The following HPCAL1 variants were observed in gnomAD, a reference collection of about 807,000 sequenced individuals.
HPCAL1 encodes the protein hippocalcin-like protein 1.
HPCAL1 carries 8 observed loss-of-function variants against 17.1 expected under a neutral mutation model. That is an observed-to-expected ratio of 0.47 (90% CI 0.27 to 0.84). The LOEUF is 0.84. Ranked by LOEUF, HPCAL1 falls within the 40% of genes least tolerant of loss-of-function variation. HPCAL1 has a pLI of 0.13. For synonymous variants in HPCAL1, 112 were observed against 111.4 expected, an observed-to-expected ratio of 1.01 and a Z score of -0.03; for missense variants, 165 against 271.1, an observed-to-expected ratio of 0.61 and a Z score of 2.75.
intron 2 of HPCAL1, among the ~76,000 whole-genome samples, chr2:10,401,727 G>A (rs1669625557): frequency 6.6e-6 from 1 of 152,160 alleles, no homozygotes; most frequent in Non-Finnish European, 1.5e-5. Context: ...GCCACACCCT[G>A]GGTAAATGGA....
intron 4 of HPCAL1, chr2:10,425,961 CAGGGCTATAGTGACCA>C (rs1380099881): frequency 6.6e-6 from 1 of 152,154 alleles, no homozygotes; most frequent in East Asian, 1.9e-4. Flanking sequence ...CTAGCAGAGC[CAGGGCTATAGTGACCA>C]CAGTGTGAGC....
In HPCAL1 at chr2:10,330,188, G is replaced by C. The variant is rs1423848459; in HGVS notation, c.-111+27011G>C. Reference sequence around the variant, plus strand: ...TATGCTGTGTTCGGGGCTGTCTGTCGGCGCCACAGGGAATGGGGGCTGGTG... The same window carrying C: ...TATGCTGTGTTCGGGGCTGTCTGTCCGCGCCACAGGGAATGGGGGCTGGTG... On this transcript the variant is annotated intron_variant, in intron 1 of 4. Coordinates refer to ENST00000307845, the MANE Select transcript of HPCAL1 (RefSeq NM_002149.4). This position sits in a 1 kb window ranked among gnomAD's most constrained non-coding sequence, Gnocchi z 4.2. 1.3e-5 allele frequency: 2 copies of C among 151,980 alleles called. No homozygotes were observed. The highest frequency in any genetic ancestry group is 2.4e-5 in the African/African-American group (1 of 41,324). The allele number at this position is 151,980 out of a possible 1,614,324, so 9.4% of individuals were successfully genotyped here.
chr2:10,347,038 G>A (rs1165072964), intron 1 of HPCAL1, among the ~76,000 whole-genome samples: 4 of 144,410 alleles, frequency 2.8e-5, no homozygotes, highest in South Asian at 2.2e-4. Flanking sequence ...CAGAGGAGCA[G>A]AGTGCTCATA....
chr2:10,404,252 G>C (rs1669831750), intron 2 of HPCAL1, among the ~76,000 whole-genome samples: 1 of 152,132 alleles, frequency 6.6e-6, no homozygotes, highest in South Asian at 2.1e-4. Context: ...ACCTTAGCCA[G>C]ACTCTGGCCT....
intron 1 of HPCAL1, among the ~76,000 whole-genome samples, chr2:10,329,113 G>A (rs1558461184): frequency 6.6e-6 from 1 of 152,144 alleles, no homozygotes; most frequent in African/African-American, 2.4e-5. Flanking sequence ...ACAGATGTGA[G>A]CCGCCACTGT....
rs1285723920 is a variant in HPCAL1 at position 10,377,162 on chromosome 2, G to A, written c.-110-19673G>A. ...CGTTAACTTCTTTAATGAACATCCT[G>A]CTGTTCAATAGTGAGGCTGCATCCT... On this transcript the variant is annotated intron_variant, in intron 1 of 4. Transcript: ENST00000307845. The surrounding 1 kb of genome is among the most constrained non-coding windows in gnomAD (Gnocchi z 5.9). Among the ~76,000 whole-genome samples the A allele has an allele frequency of 6.6e-6, 1 of 152,184 alleles. No homozygotes were observed. The highest frequency in any genetic ancestry group is 2.4e-5 in the African/African-American group (1 of 41,444).
intron 1 of HPCAL1, among the ~76,000 whole-genome samples, chr2:10,369,537 C>T (rs988579844): frequency 2.0e-5 from 3 of 152,202 alleles, no homozygotes; most frequent in Non-Finnish European, 4.4e-5. Context: ...CCTCATAGCT[C>T]AGGCCCGTTT....
intron 1 of HPCAL1, among the ~76,000 whole-genome samples, chr2:10,319,390 C>G (rs1465348300): frequency 1.3e-5 from 2 of 152,172 alleles, no homozygotes; most frequent in Non-Finnish European, 2.9e-5. Context: ...GTCTGCCAGG[C>G]AGGGGAGTAA....
chr2:10,400,943 G>A (rs1032771027), intron 2 of HPCAL1, among the ~76,000 whole-genome samples: 24 of 152,182 alleles, frequency 1.6e-4, no homozygotes, highest in African/African-American at 5.8e-4. Flanking sequence ...GCTCCATGTC[G>A]GGCTCTGTGT....
At chr2:10,392,246 GC>G (rs1668748458) in intron 1 of HPCAL1, among the ~76,000 whole-genome samples, 1 of 151,444 alleles carries the variant, frequency 6.6e-6, no homozygotes, top group Non-Finnish European at 1.5e-5. Flanking sequence ...TCACTATGTT[GC>G]CCAGGCTGGT....
chr2:10,417,934 C>A (rs12473106), intron 2 of HPCAL1, among the ~76,000 whole-genome samples: 17,050 of 150,732 alleles, frequency 0.11, 2,225 homozygotes, highest in East Asian at 0.69. Context: ...CTCAGCTACT[C>A]AGGAGACTGA....
At chr2:10,397,195 C>T (rs901023612) in intron 2 of HPCAL1, among the ~76,000 whole-genome samples, 5 of 151,468 alleles carry the variant, frequency 3.3e-5, no homozygotes, top group Admixed American at 1.3e-4. Flanking sequence ...GGGTAAATCG[C>T]GTGACCTTCG....
In HPCAL1 at chr2:10,426,910, C is replaced by A; in HGVS notation, c.*89C>A. On this transcript the variant is annotated 3_prime_UTR_variant, in exon 5 of 5. Coordinates refer to ENST00000307845, the MANE Select transcript of HPCAL1 (RefSeq NM_002149.4). ...CAAGAGTGGATGCCCCGCAATCGTT[C>A]CTGCTCTCCCGGGCCCCGGGCCTGG... 7.9e-7 allele frequency: 1 copy of A among 1,272,832 alleles called. No individual in the cohort carries two copies. Among genetic ancestry groups the A allele is most frequent in the Non-Finnish European group, 1.1e-6 (1 of 882,010 alleles). 78.8% of individuals were successfully genotyped at this position (1,272,832 alleles called of 1,614,324 possible).
intron 1 of HPCAL1, among the ~76,000 whole-genome samples, chr2:10,314,976 T>C (rs1026396985): frequency 1.3e-5 from 2 of 152,282 alleles, no homozygotes; most frequent in African/African-American, 4.8e-5. Context: ...TTTTCCCAAA[T>C]GTGGGGCTAG....
rs868796546 is a variant in HPCAL1, at chr2:10,331,263, G to A, written c.-111+28086G>A. Among the ~76,000 whole-genome samples, 3 of 152,154 alleles carry A rather than the reference G, an allele frequency of 2.0e-5. No individual in the cohort carries two copies. Among genetic ancestry groups the A allele is most frequent in the South Asian group, 2.1e-4 (1 of 4,814 alleles). On this transcript the variant is annotated intron_variant, in intron 1 of 4. Coordinates refer to ENST00000307845, the MANE Select transcript of HPCAL1 (RefSeq NM_002149.4). This position sits in a 1 kb window ranked among gnomAD's most constrained non-coding sequence, Gnocchi z 5.0. The stretch of plus-strand genomic sequence containing the variant: ...GTGCTGGCTGCCTGTTACTCAGCAC[G>A]TCCGCCTCTCCTGCCTCCTGAGCCC...
chr2:10,394,636 G>T lies in HPCAL1; in HGVS notation c.-110-2199G>T, dbSNP rs545489124. Among the ~76,000 whole-genome samples, 2 of 152,264 alleles carry T rather than the reference G, an allele frequency of 1.3e-5. No homozygotes were observed. The highest frequency in any genetic ancestry group is 2.1e-4 in the South Asian group (1 of 4,824). Reference sequence around the variant, plus strand: ...GAACCCTAACGTGAGCTGCGGACCTGGGGGGTGATGATGGTCAGTGCAGGT... The same window carrying T: ...GAACCCTAACGTGAGCTGCGGACCTTGGGGGTGATGATGGTCAGTGCAGGT... On this transcript the variant is annotated intron_variant, in intron 1 of 4. Transcript: ENST00000307845. The surrounding 1 kb of genome is among the most constrained non-coding windows in gnomAD (Gnocchi z 5.0).
chr2:10,386,367 C>T (rs1395724357), intron 1 of HPCAL1, among the ~76,000 whole-genome samples: 1 of 152,198 alleles, frequency 6.6e-6, no homozygotes, highest in South Asian at 2.1e-4. Context: ...CTGACTCATT[C>T]ATTTAATGTT....
At chr2:10,347,066 T>G (rs1665510573) in intron 1 of HPCAL1, among the ~76,000 whole-genome samples, 1 of 150,552 alleles carries the variant, frequency 6.6e-6, no homozygotes, top group Non-Finnish European at 1.5e-5. Flanking sequence ...TTGACATTAC[T>G]GGGATTCACT....
At position 10,310,095 on chromosome 2, in the gene HPCAL1, GGGGTTTTA is replaced by G. The variant is rs1428501953; in HGVS notation, c.-111+6921_-111+6928del. On this transcript the variant is annotated intron_variant, in intron 1 of 4. Coordinates refer to ENST00000307845, the MANE Select transcript of HPCAL1 (RefSeq NM_002149.4). This position sits in a 1 kb window ranked among gnomAD's most constrained non-coding sequence, Gnocchi z 4.5. ...GAATCTGTTTGCTCAGGTGCAGAAA[GGGGTTTTA>G]GGCTGAGCTCAGATATTGACAGGAA... Among the ~76,000 whole-genome samples the G allele has an allele frequency of 1.3e-5, 2 of 152,176 alleles. No individual in the cohort carries two copies. Among genetic ancestry groups the G allele is most frequent in the Non-Finnish European group, 2.9e-5 (2 of 68,036 alleles).
Sources: allele counts gnomAD v4.1 joint callset (sites outside exome capture counted in the v4.1 genomes callset), GRCh38; gene constraint gnomAD v4.1.1; non-coding constraint Gnocchi (gnomAD v3.1); transcripts MANE v1.5; gene names NCBI Gene and HGNC (gene_info 2026-07-23, HGNC 2026-07-21).